NR3C2: variants seen among roughly 807,000 people sequenced by gnomAD.
NR3C2 encodes the protein nuclear receptor subfamily 3 group C member 2, also known as mineralocorticoid receptor.
In NR3C2, 15 loss-of-function variants were observed where a neutral mutation model predicts 86.4. The observed-to-expected ratio is 0.17, with a 90% confidence interval of 0.12 to 0.27. The LOEUF (loss-of-function observed/expected upper bound fraction) is 0.27, where lower values mean the gene tolerates loss of function less well. NR3C2 is among the 10% of genes least tolerant of loss of function. The probability of loss-of-function intolerance (pLI) is 1.00; values close to 1 mark genes in which losing one functional copy is unlikely to be tolerated. For missense variants in NR3C2, 960 were observed against 1,195.6 expected (o/e 0.80, Z 2.91); for synonymous variants, 458 against 450.5 (o/e 1.02, Z -0.21).
intron 3 of NR3C2, among the ~76,000 whole-genome samples, chr4:148,226,010 C>G (rs192614776): frequency 6.6e-6 from 1 of 151,998 alleles, no homozygotes; most frequent in Non-Finnish European, 1.5e-5. Flanking sequence ...AAAATATAAG[C>G]CTTTATGCTT....
At chr4:148,235,472 T>G (rs1395423368) in intron 3 of NR3C2, among the ~76,000 whole-genome samples, 1 of 152,020 alleles carries the variant, frequency 6.6e-6, no homozygotes, top group Non-Finnish European at 1.5e-5. Flanking sequence ...GCGTATTAAG[T>G]TTTAAAAGCT....
intron 2 of NR3C2, among the ~76,000 whole-genome samples, chr4:148,364,285 C>T (rs954132483): frequency 6.6e-6 from 1 of 152,194 alleles, no homozygotes; most frequent in Non-Finnish European, 1.5e-5. Context: ...GAAACATGCG[C>T]TTTTCTCCCA....
chr4:148,374,570 T>C (rs1340566836), intron 2 of NR3C2, among the ~76,000 whole-genome samples: 1 of 152,140 alleles, frequency 6.6e-6, no homozygotes, highest in Non-Finnish European at 1.5e-5. Flanking sequence ...AAAATAACAA[T>C]TGTTAATTAT....
chr4:148,148,362 C>T (rs1186589744), intron 6 of NR3C2, among the ~76,000 whole-genome samples: 1 of 152,238 alleles, frequency 6.6e-6, no homozygotes, highest in Admixed American at 6.5e-5. Flanking sequence ...TCTGGTCTCC[C>T]AACATCTGCT....
intron 4 of NR3C2, among the ~76,000 whole-genome samples, chr4:148,182,800 G>C (rs527468576): frequency 1.4e-4 from 22 of 152,150 alleles, no homozygotes; most frequent in Non-Finnish European, 2.8e-4. Flanking sequence ...TTCCTGGCTT[G>C]GTGGCCTTGG....
intron 2 of NR3C2, among the ~76,000 whole-genome samples, chr4:148,373,621 C>G (rs917815085): frequency 1.3e-5 from 2 of 151,882 alleles, no homozygotes; most frequent in African/African-American, 4.8e-5. Flanking sequence ...GCTACAGGCA[C>G]GTGCCACCAT....
At chr4:148,113,968 A>G in intron 8 of NR3C2, 136 bp downstream of exon 8, 2 of 1,038,326 alleles carry the variant, frequency 1.9e-6, no homozygotes, top group Non-Finnish European at 2.9e-6. Flanking sequence ...CCCCTTGGAC[A>G]TGGCGATATC....
At chr4:148,297,790 G>A (rs1322035287) in intron 2 of NR3C2, among the ~76,000 whole-genome samples, 2 of 152,006 alleles carry the variant, frequency 1.3e-5, no homozygotes, top group African/African-American at 4.8e-5. Flanking sequence ...TCAGGAGGCT[G>A]AGGCAGGAGA....
chr4:148,329,650 C>T (rs1014869348), intron 2 of NR3C2, among the ~76,000 whole-genome samples: 2 of 152,216 alleles, frequency 1.3e-5, no homozygotes, highest in Non-Finnish European at 2.9e-5. Flanking sequence ...CATTCACATA[C>T]AACAGCTTCA....
intron 2 of NR3C2, among the ~76,000 whole-genome samples, chr4:148,428,063 A>G (rs1355011045): frequency 6.6e-6 from 1 of 152,244 alleles, no homozygotes; most frequent in South Asian, 2.1e-4. Context: ...TAACTTTATC[A>G]TGGAGAAACC....
chr4:148,444,346 C>A (rs1230131391), upstream of NR3C2: 1 of 985,304 alleles, frequency 1.0e-6, no homozygotes, highest in East Asian at 1.1e-4. Context: ...TCGCCCGCCA[C>A]CCAGCACCCT....
chr4:148,403,276 G>A (rs1247429612), intron 2 of NR3C2, among the ~76,000 whole-genome samples: 1 of 151,926 alleles, frequency 6.6e-6, no homozygotes, highest in Admixed American at 6.6e-5. Flanking sequence ...ATGCTGAAAA[G>A]GAAAAAGAAG....
At chr4:148,317,504 C>T (rs1038834763) in intron 2 of NR3C2, among the ~76,000 whole-genome samples, 6 of 151,994 alleles carry the variant, frequency 3.9e-5, no homozygotes, top group Non-Finnish European at 5.9e-5. Flanking sequence ...TGCTTTGTAC[C>T]TATTTTGAAC....
At chr4:148,339,448 GA>G (rs1382608675) in intron 2 of NR3C2, among the ~76,000 whole-genome samples, 1 of 152,120 alleles carries the variant, frequency 6.6e-6, no homozygotes, top group Admixed American at 6.6e-5. Context: ...ATTAAGTACA[GA>G]AATGTCTAAA....
intron 2 of NR3C2, among the ~76,000 whole-genome samples, chr4:148,402,133 A>G (rs756238374): frequency 6.6e-6 from 1 of 152,210 alleles, no homozygotes; most frequent in Non-Finnish European, 1.5e-5. Context: ...TTTTAATCTT[A>G]GCCCAACGGT....
At chr4:148,226,434 G>A (rs1738168572) in intron 3 of NR3C2, among the ~76,000 whole-genome samples, 1 of 152,076 alleles carries the variant, frequency 6.6e-6, no homozygotes, top group African/African-American at 2.4e-5. Context: ...TGCATCAGTA[G>A]TTCATTCTTT....
intron 2 of NR3C2, among the ~76,000 whole-genome samples, chr4:148,409,718 T>A (rs1748600178): frequency 6.6e-6 from 1 of 152,120 alleles, no homozygotes; most frequent in South Asian, 2.1e-4. Flanking sequence ...ATATTTAAAC[T>A]TCATGCAAAA....
chr4:148,298,990 G>T (rs28462077), intron 2 of NR3C2, among the ~76,000 whole-genome samples: 1 of 152,166 alleles, frequency 6.6e-6, no homozygotes, highest in South Asian at 2.1e-4. Flanking sequence ...CCAGGAATTC[G>T]CACCTTATGC....
intron 2 of NR3C2, among the ~76,000 whole-genome samples, chr4:148,419,707 C>A (rs568435159): frequency 1.3e-5 from 2 of 152,228 alleles, no homozygotes; most frequent in African/African-American, 4.8e-5. Context: ...TAATTTTTCT[C>A]ATTATTAAAG....
Sources: gnomAD v4.1 joint callset for allele counts (sites outside exome capture counted in the v4.1 genomes callset) on GRCh38, gnomAD v4.1.1 for gene constraint, MANE v1.5 for transcripts, NCBI Gene and HGNC (gene_info 2026-07-23, HGNC 2026-07-21) for gene names.